TLN2: variants seen among roughly 807,000 people sequenced by gnomAD.
TLN2 encodes talin-2.
TLN2 carries 118 observed loss-of-function variants against 294.7 expected under a neutral mutation model. The ratio of observed to expected loss-of-function variants is 0.40; its 90% CI spans 0.34 to 0.47. The LOEUF (loss-of-function observed/expected upper bound fraction) is 0.47, where lower values mean the gene tolerates loss of function less well. Ranked by LOEUF, TLN2 falls within the 20% of genes least tolerant of loss-of-function variation. TLN2 has a pLI of 0.84. For synonymous variants in TLN2, 1,431 were observed against 1,304.5 expected (o/e 1.10, Z -2.09); for missense variants, 3,083 against 3,282.2 (o/e 0.94, Z 1.48).
At chr15:62,646,950 C>G (rs917147283) in intron 3 of TLN2, among the ~76,000 whole-genome samples, 1 of 152,152 alleles carries the variant, frequency 6.6e-6, no homozygotes, top group African/African-American at 2.4e-5. Flanking sequence ...AAATTCCACT[C>G]CTAGGACCTT....
intron 1 of TLN2, among the ~76,000 whole-genome samples, chr15:62,498,896 G>A (rs1285889688): frequency 2.6e-5 from 4 of 152,302 alleles, no homozygotes; most frequent in African/African-American, 9.6e-5. Context: ...GAGCTGTACA[G>A]GGGTTATTGT....
At chr15:62,538,868 C>T (rs371315437) in intron 1 of TLN2, among the ~76,000 whole-genome samples, 2 of 152,080 alleles carry the variant, frequency 1.3e-5, no homozygotes, top group East Asian at 1.9e-4. Flanking sequence ...GTAAGTATAT[C>T]CCATTTGATC....
chr15:62,459,886 C>G (rs532535438), intron 1 of TLN2, among the ~76,000 whole-genome samples: 8 of 152,220 alleles, frequency 5.3e-5, no homozygotes, highest in Admixed American at 1.3e-4. Flanking sequence ...GTTTTTTCCC[C>G]CTACCTCAGA....
chr15:62,838,712 G>C (rs1193829905), intron 57 of TLN2, 144 bp from the exon 58 acceptor site: 38 of 1,051,094 alleles, frequency 3.6e-5, no homozygotes, highest in Non-Finnish European at 4.9e-5. Flanking sequence ...ACAGACAGAT[G>C]GGTACTCTCT....
At chr15:62,802,936 A>C (rs925250010) in intron 50 of TLN2, among the ~76,000 whole-genome samples, 1 of 152,166 alleles carries the variant, frequency 6.6e-6, no homozygotes, top group Non-Finnish European at 1.5e-5. Context: ...TTTTTCCTAT[A>C]GAATTGTTTG....
intron 1 of TLN2, among the ~76,000 whole-genome samples, chr15:62,458,355 C>T (rs992881745): frequency 1.4e-4 from 21 of 152,148 alleles, no homozygotes; most frequent in African/African-American, 4.8e-4. Flanking sequence ...TTTGGAATCT[C>T]TTTCACATTG....
intron 4 of TLN2, among the ~76,000 whole-genome samples, chr15:62,649,600 C>A (rs756559555): frequency 7.9e-5 from 12 of 152,128 alleles, no homozygotes; most frequent in Non-Finnish European, 1.8e-4. Flanking sequence ...ACTCCTACCT[C>A]TCTTTTACAC....
rs1555435625 is a variant in TLN2 at position 62,582,219 on chromosome 15, C to CACACACACAT, written c.-237-7459_-237-7458insTACACACACA. ...ATACACACACACACACACACACACA[C>CACACACACAT]ACACACACACACACACACACACACA... On this transcript the variant is annotated intron_variant, in intron 1 of 58. Transcript: ENST00000636159. Among the ~76,000 whole-genome samples the CACACACACAT allele has an allele frequency of 1.0e-3, 141 of 135,382 alleles. 2 individuals are homozygous for CACACACACAT. Among genetic ancestry groups the CACACACACAT allele is most frequent in the Middle Eastern group, 3.6e-3 (1 of 280 alleles). The allele number at this position is 135,382 out of a possible 152,430, so 88.8% of individuals were successfully genotyped here. A position where few individuals can be genotyped will look rare whatever the true frequency, so the allele number is the denominator to read the frequency against.
intron 1 of TLN2, among the ~76,000 whole-genome samples, chr15:62,588,184 A>C (rs2045781032): frequency 6.6e-6 from 1 of 152,042 alleles, no homozygotes; most frequent in African/African-American, 2.4e-5. Flanking sequence ...CCGGCCTAAA[A>C]TTACATATTT....
At chr15:62,670,527 C>G (rs1443526868) in intron 9 of TLN2, among the ~76,000 whole-genome samples, 1 of 152,258 alleles carries the variant, frequency 6.6e-6, no homozygotes, top group Admixed American at 6.5e-5. Flanking sequence ...TTTCTTAGAT[C>G]CCTCCTTCTG....
rs144568057 is a variant in TLN2 at position 62,480,750 on chromosome 15, C to T, written c.-238+90065C>T. Reference sequence around the variant, plus strand: ...TTGGGACTGTCTTCCCTCATTGTGCCGGGATGTACTTTTTTTCTTTTTTTG... The same window carrying T: ...TTGGGACTGTCTTCCCTCATTGTGCTGGGATGTACTTTTTTTCTTTTTTTG... On this transcript the variant is annotated intron_variant, in intron 1 of 58. Coordinates refer to ENST00000636159, the MANE Select transcript of TLN2 (RefSeq NM_015059.3). Among the ~76,000 whole-genome samples the T allele has an allele frequency of 1.6e-3, 246 of 152,156 alleles. 1 individual carries two copies. Among genetic ancestry groups the T allele is most frequent in the African/African-American group, 5.6e-3 (233 of 41,490 alleles).
chr15:62,556,187 G>C (rs1340240765), intron 1 of TLN2, among the ~76,000 whole-genome samples: 2 of 150,668 alleles, frequency 1.3e-5, no homozygotes, highest in African/African-American at 4.9e-5. Flanking sequence ...GCATATATAT[G>C]GGTAGGTTTA....
rs553833636 is a variant in TLN2 at position 62,840,811 on chromosome 15, C to T, written c.*201C>T. On this transcript the variant is annotated 3_prime_UTR_variant, in exon 59 of 59. Coordinates refer to ENST00000636159, the MANE Select transcript of TLN2 (RefSeq NM_015059.3). The stretch of plus-strand genomic sequence containing the variant: ...GATGTCACACGGTACAATGTCCTAC[C>T]CACAACTCCTCTGCCGCCTCCCCTC... The T allele has an allele frequency of 6.1e-6, 4 of 654,378 alleles. No homozygotes were observed. Among genetic ancestry groups the T allele is most frequent in the Non-Finnish European group, 9.7e-6 (4 of 410,548 alleles). The allele number at this position is 654,378 out of a possible 1,614,324, so 40.5% of individuals were successfully genotyped here.
Position 62,716,363 on chromosome 15 carries a change from G to A in TLN2, c.2667G>A (p.Gln889=), listed in dbSNP as rs147045943. The change falls in exon 23 of 59, where the codon CAG becomes CAA. Residue 889 remains glutamine, a synonymous_variant. Transcript: ENST00000636159. ...GAAANPENED[Q]QQRLREAAEG... is the part of the protein sequence containing the mutation. ...CAGCCAACCCAGAGAATGAGGACCA[G>A]CAGCAAAGGCTGAGAGAAGCTGCAG... The A allele has an allele frequency of 7.8e-5, 126 of 1,609,548 alleles. No homozygotes were observed. In the African/African-American group the frequency reaches 1.6e-3, roughly 20 times the overall value.
In TLN2 at chr15:62,755,693, G is replaced by A. The variant is rs2062204045; in HGVS notation, c.4638G>A (p.Lys1546=). 1.2e-6 allele frequency: 2 copies of A among 1,614,056 alleles called. No homozygotes were observed. Among genetic ancestry groups the A allele is most frequent in the African/African-American group, 1.3e-5 (1 of 74,940 alleles). ...CTGCCAACCTGGTGAAGACCATCAA[G>A]GTAGGTCGCTGGACTACCGGCCTTA... ...NSTANLVKTI[K]ALDGDFSEDN... The change falls in exon 37 of 59, where the codon AAG becomes AAA. Residue 1546 remains lysine (K), a splice_region_variant and synonymous_variant. Transcript: ENST00000636159.
At chr15:62,445,238 A>G (rs1373365213) in intron 1 of TLN2, among the ~76,000 whole-genome samples, 5 of 152,214 alleles carry the variant, frequency 3.3e-5, no homozygotes, top group African/African-American at 7.2e-5. Context: ...GCCAGTGGAT[A>G]GGAATCACCT....
In TLN2 at chr15:62,738,346, T is replaced by C. The variant is rs768397670; in HGVS notation, c.3687+13T>C. Reference sequence around the variant, plus strand: ...GCTTGTGGATTCGGTGAGAGGTTCTTAGATTGAGAAAGGACACTGGGGGAC... The same window carrying C: ...GCTTGTGGATTCGGTGAGAGGTTCTCAGATTGAGAAAGGACACTGGGGGAC... On this transcript the variant is annotated intron_variant, in intron 30 of 58. Coordinates refer to ENST00000636159, the MANE Select transcript of TLN2 (RefSeq NM_015059.3). The C allele has an allele frequency of 3.1e-6, 5 of 1,613,432 alleles. No homozygotes were observed. The highest frequency in any genetic ancestry group is 3.4e-6 in the Non-Finnish European group (4 of 1,179,684).
intron 11 of TLN2, among the ~76,000 whole-genome samples, chr15:62,681,994 A>AT (rs1210837400): frequency 3.3e-5 from 5 of 152,020 alleles, no homozygotes; most frequent in African/African-American, 1.2e-4. Flanking sequence ...GCTTCAAGTG[A>AT]TCCTCCCACC....
chr15:62,628,665 T>A (rs1205394243), intron 3 of TLN2, among the ~76,000 whole-genome samples: 1 of 152,180 alleles, frequency 6.6e-6, no homozygotes, highest in Admixed American at 6.5e-5. Flanking sequence ...ACAATCCAGT[T>A]AATGAGATCA....
Sources: allele counts gnomAD v4.1 joint callset (sites outside exome capture counted in the v4.1 genomes callset), GRCh38; gene constraint gnomAD v4.1.1; transcripts MANE v1.5; gene names NCBI Gene and HGNC (gene_info 2026-07-23, HGNC 2026-07-21).